The following PTPN4 variants were observed in gnomAD, a reference collection of about 807,000 sequenced individuals.
PTPN4 encodes tyrosine-protein phosphatase non-receptor type 4.
In PTPN4, 49 loss-of-function variants were observed where a neutral mutation model predicts 135.5. The observed-to-expected ratio is 0.36, with a 90% CI of 0.29 to 0.46. The LOEUF (loss-of-function observed/expected upper bound fraction) is 0.46. Among genes scored for constraint, PTPN4 ranks in the 20% least tolerant of loss-of-function variants. The pLI, the probability that PTPN4 is intolerant of heterozygous loss-of-function variation, is 1.00. For synonymous variants in PTPN4, 333 were observed against 369.9 expected (o/e 0.90, Z 1.14); for missense variants, 860 against 1,101.0 (o/e 0.78, Z 3.10).
chr2:119,918,464 GC>G lies in PTPN4; in HGVS notation c.829-1603del, dbSNP rs1291317071. ...TATATGCATCCTGATAGAAATATAT[GC>G]CAGTGAATTGAACAGACACTTCACA... On this transcript the variant is annotated intron_variant, in intron 11 of 26. Transcript: ENST00000263708. 3.9e-5 allele frequency among the ~76,000 whole-genome samples: 6 copies of G among 152,310 alleles called. No homozygotes were observed. In the East Asian group the frequency reaches 1.2e-3, roughly 29 times the overall value.
At chr2:119,907,110 C>T (rs1678501066) in intron 10 of PTPN4, among the ~76,000 whole-genome samples, 1 of 151,984 alleles carries the variant, frequency 6.6e-6, no homozygotes, top group African/African-American at 2.4e-5. Context: ...AAGATCTCTA[C>T]AACAAAAACT....
Position 119,982,525 on chromosome 2 carries a change from T to A in PTPN4, c.*5455T>A, listed in dbSNP as rs953383188. ...CATTGAAGCATTTTCAGATATAATG[T>A]ACATTCTTTTTCATTTTGCTTTGCC... is the stretch of plus-strand genomic sequence containing the variant. On this transcript the variant is annotated 3_prime_UTR_variant, in exon 27 of 27. Coordinates refer to ENST00000263708, the MANE Select transcript of PTPN4 (RefSeq NM_002830.4). 1 of 152,240 alleles carries A rather than the reference T, an allele frequency of 6.6e-6. No homozygotes were observed. Among genetic ancestry groups the A allele is most frequent in the South Asian group, 2.1e-4 (1 of 4,834 alleles). 9.4% of individuals were successfully genotyped at this position (152,240 alleles called of 1,614,324 possible).
chr2:119,887,445 C>G (rs1392146243), intron 9 of PTPN4, among the ~76,000 whole-genome samples: 1 of 152,180 alleles, frequency 6.6e-6, no homozygotes, highest in Non-Finnish European at 1.5e-5. Context: ...TATGATCATG[C>G]CACTTCACTC....
At chr2:119,772,330 T>C (rs1033274598) in intron 1 of PTPN4, among the ~76,000 whole-genome samples, 1 of 152,226 alleles carries the variant, frequency 6.6e-6, no homozygotes, top group Non-Finnish European at 1.5e-5. Flanking sequence ...TTTATGGCTT[T>C]TGATCTGTGT....
At chr2:119,792,060 A>AT (rs2104935992) in intron 1 of PTPN4, among the ~76,000 whole-genome samples, 1 of 152,178 alleles carries the variant, frequency 6.6e-6, no homozygotes, top group African/African-American at 2.4e-5. Context: ...AAGTTGACTG[A>AT]TTCTTCTGTC....
intron 2 of PTPN4, among the ~76,000 whole-genome samples, chr2:119,857,892 A>G (rs898726129): frequency 1.3e-5 from 2 of 152,112 alleles, no homozygotes; most frequent in African/African-American, 4.8e-5. Flanking sequence ...TGTGATTCCC[A>G]GTGTTGGAGG....
intron 12 of PTPN4, among the ~76,000 whole-genome samples, chr2:119,920,743 A>C (rs1678725044): frequency 6.6e-6 from 1 of 152,140 alleles, no homozygotes; most frequent in African/African-American, 2.4e-5. Context: ...CATTTCCTAA[A>C]ATTGTTTTAT....
chr2:119,822,223 A>G (rs1359483448), intron 2 of PTPN4, among the ~76,000 whole-genome samples: 1 of 151,944 alleles, frequency 6.6e-6, no homozygotes, highest in African/African-American at 2.4e-5. Flanking sequence ...TCTCACACTT[A>G]TCCTCCAATG....
chr2:119,919,369 G>A (rs941704954), intron 11 of PTPN4, among the ~76,000 whole-genome samples: 1 of 152,066 alleles, frequency 6.6e-6, no homozygotes, highest in African/African-American at 2.4e-5. Flanking sequence ...TTTAAATTAG[G>A]AATATTGTTA....
chr2:119,854,953 C>T (rs3106250), intron 2 of PTPN4, among the ~76,000 whole-genome samples: 58,039 of 151,864 alleles, frequency 0.38, 12,545 homozygotes, highest in African/African-American at 0.59. Context: ...TATGAGGACA[C>T]CTAAGGCCTG....
chr2:119,893,548 A>T (rs1678273495), intron 9 of PTPN4, among the ~76,000 whole-genome samples: 2 of 152,198 alleles, frequency 1.3e-5, no homozygotes, highest in South Asian at 4.1e-4. Flanking sequence ...GCGTATAGTT[A>T]ATAGTTAAAA....
chr2:119,877,721 G>C (rs1383663614), intron 5 of PTPN4, among the ~76,000 whole-genome samples, 179 bp downstream of exon 5: 1 of 152,192 alleles, frequency 6.6e-6, no homozygotes, highest in East Asian at 1.9e-4. Flanking sequence ...GGCTGGGAGA[G>C]TGTAAGGGGA....
At chr2:119,762,356 T>TCGTTAAAAAACCTAAC (rs1307954230) in intron 1 of PTPN4, among the ~76,000 whole-genome samples, 1 of 152,084 alleles carries the variant, frequency 6.6e-6, no homozygotes, top group Non-Finnish European at 1.5e-5. Context: ...TTTTTTAACT[T>TCGTTAAAAAACCTAAC]GTATGACTTC....
chr2:119,899,756 T>A (rs1224588387), intron 9 of PTPN4, among the ~76,000 whole-genome samples: 1 of 152,152 alleles, frequency 6.6e-6, no homozygotes, highest in Non-Finnish European at 1.5e-5. Flanking sequence ...TGTACTAAAA[T>A]AATGTTGATT....
At chr2:119,909,415 T>C (rs1334463088) in intron 10 of PTPN4, among the ~76,000 whole-genome samples, 4 of 152,186 alleles carry the variant, frequency 2.6e-5, no homozygotes, top group Non-Finnish European at 2.9e-5. Context: ...GCTTACTGAA[T>C]ATTTTAAGTC....
At chr2:119,842,729 C>T (rs1677399784) in intron 2 of PTPN4, among the ~76,000 whole-genome samples, 1 of 152,092 alleles carries the variant, frequency 6.6e-6, no homozygotes, top group South Asian at 2.1e-4. Flanking sequence ...TTACTGTTTA[C>T]TCAGCTTCTC....
intron 1 of PTPN4, among the ~76,000 whole-genome samples, chr2:119,763,929 G>A (rs1020863545): frequency 1.3e-5 from 2 of 152,196 alleles, no homozygotes; most frequent in African/African-American, 4.8e-5. Flanking sequence ...ATGGCATTGG[G>A]CAAGTTGTTT....
At chr2:119,901,500 A>G (rs1678402898) in intron 10 of PTPN4, among the ~76,000 whole-genome samples, 1 of 152,210 alleles carries the variant, frequency 6.6e-6, no homozygotes, top group African/African-American at 2.4e-5. Context: ...ATGCCTTGCC[A>G]GGTCTACATA....
intron 1 of PTPN4, among the ~76,000 whole-genome samples, chr2:119,803,763 T>G (rs1691416896): frequency 6.6e-6 from 1 of 152,168 alleles, no homozygotes; most frequent in Non-Finnish European, 1.5e-5. Context: ...TCTCCTATAA[T>G]TGTGGGATTT....
Sources: allele counts gnomAD v4.1 joint callset (sites outside exome capture counted in the v4.1 genomes callset), GRCh38; gene constraint gnomAD v4.1.1; transcripts MANE v1.5; gene names NCBI Gene and HGNC (gene_info 2026-07-23, HGNC 2026-07-21).